Variants in EVL observed in about 807,000 individuals in gnomAD.
EVL encodes the protein Enah/Vasp-like.
Under a neutral mutation model 59.6 loss-of-function variants are expected in EVL, and 21 were observed. That is an observed-to-expected ratio of 0.35 (90% confidence interval 0.25 to 0.51). The LOEUF is 0.51. Ranked by LOEUF, EVL falls within the 20% of genes least tolerant of loss-of-function variation. The pLI is 0.97. For missense variants in EVL, 462 were observed against 546.6 expected (o/e 0.85, Z 1.54); for synonymous variants, 198 against 203.5 (o/e 0.97, Z 0.23).
chr14:100,083,414 G>A (rs2062357194), intron 1 of EVL, among the ~76,000 whole-genome samples: 1 of 151,668 alleles, frequency 6.6e-6, no homozygotes, highest in Non-Finnish European at 1.5e-5. Context: ...CACCCAGGCT[G>A]GAGTGCGGTG....
chr14:99,972,994 A>G lies in EVL; in HGVS notation c.5+937A>G, dbSNP rs574153079. Among the ~76,000 whole-genome samples, 6 of 152,170 alleles carry G rather than the reference A, an allele frequency of 3.9e-5. No homozygotes were observed. Among genetic ancestry groups the G allele is most frequent in the Non-Finnish European group, 7.4e-5 (5 of 68,000 alleles). On this transcript the variant is annotated intron_variant, in intron 1 of 13. Transcript: ENST00000402714. This position sits in a 1 kb window ranked among gnomAD's most constrained non-coding sequence, Gnocchi z 4.4. ...TTGTAATCGTTATTTGTTCATTTTT[A>G]TTGGTCTATAGTATTCTGTTGTAAG...
intron 8 of EVL, chr14:100,135,610 A>C (rs762198171): frequency 5.7e-6 from 2 of 350,060 alleles, no homozygotes; most frequent in Non-Finnish European, 1.1e-5. Flanking sequence ...ATCCGGCCCA[A>C]GGGGGGCTCA....
chr14:100,084,387 T>C (rs1595151569), intron 1 of EVL, among the ~76,000 whole-genome samples: 1 of 152,168 alleles, frequency 6.6e-6, no homozygotes, highest in Non-Finnish European at 1.5e-5. Flanking sequence ...TTGTGAACAG[T>C]TGGCAAATTA....
chr14:100,044,717 T>C (rs183565085), intron 1 of EVL, among the ~76,000 whole-genome samples: 42 of 152,262 alleles, frequency 2.8e-4, no homozygotes, highest in Non-Finnish European at 5.9e-4. Flanking sequence ...ACACATCAGC[T>C]GGAAGTAACC....
At chr14:99,985,144 A>G (rs2060832002) in intron 1 of EVL, among the ~76,000 whole-genome samples, 1 of 151,756 alleles carries the variant, frequency 6.6e-6, no homozygotes, top group East Asian at 1.9e-4. Flanking sequence ...ATATATATAT[A>G]TTGAGTACCT....
intron 1 of EVL, among the ~76,000 whole-genome samples, chr14:99,982,589 GA>G (rs992264302): frequency 2.6e-5 from 4 of 152,152 alleles, no homozygotes; most frequent in Admixed American, 1.3e-4. Context: ...AGAGCGGGGG[GA>G]AAAAATACTG....
At chr14:100,134,204 A>G (rs1888626293) in intron 8 of EVL, among the ~76,000 whole-genome samples, 2 of 152,214 alleles carry the variant, frequency 1.3e-5, no homozygotes, top group Admixed American at 6.5e-5. Context: ...ATTGCAGGCC[A>G]CGGGATAATC....
chr14:100,136,256 G>C (rs775338361), intron 9 of EVL, among the ~76,000 whole-genome samples: 2 of 152,238 alleles, frequency 1.3e-5, no homozygotes, highest in East Asian at 3.9e-4. Flanking sequence ...CTTGCCTGAC[G>C]GCACATATTC....
In EVL at chr14:100,130,873, A is replaced by G. The variant is rs960658632; in HGVS notation, c.839+1189A>G. ...CTGGGCGTTTGTACATCGCCAAGAC[A>G]GGAGGCAGGCTTCTGAGCAGTTTCC... On this transcript the variant is annotated intron_variant, in intron 7 of 13. Coordinates refer to ENST00000392920, the MANE Select transcript of EVL (RefSeq NM_016337.3). This position sits in a 1 kb window ranked among gnomAD's most constrained non-coding sequence, Gnocchi z 4.8. Among the ~76,000 whole-genome samples the G allele has an allele frequency of 4.6e-5, 7 of 152,246 alleles. No individual in the cohort carries two copies. Among genetic ancestry groups the G allele is most frequent in the African/African-American group, 9.6e-5 (4 of 41,460 alleles).
intron 1 of EVL, chr14:100,019,433 A>G: frequency 1.9e-6 from 1 of 531,128 alleles, no homozygotes; most frequent in South Asian, 2.8e-5. Context: ...ACTTGCTGGA[A>G]TGATCACATG....
intron 1 of EVL, among the ~76,000 whole-genome samples, chr14:100,045,982 G>T (rs1283994967): frequency 6.6e-6 from 1 of 152,176 alleles, no homozygotes; most frequent in African/African-American, 2.4e-5. Context: ...GAACAGCTCA[G>T]AGCAGAAATA....
intron 1 of EVL, among the ~76,000 whole-genome samples, chr14:99,976,048 A>G (rs921900915): frequency 6.6e-6 from 1 of 151,458 alleles, no homozygotes; most frequent in South Asian, 2.1e-4. Context: ...TTTTATTTTT[A>G]TTATTTTTCA....
chr14:100,093,407 C>G (rs2062605842), intron 2 of EVL, among the ~76,000 whole-genome samples: 1 of 151,970 alleles, frequency 6.6e-6, no homozygotes, highest in South Asian at 2.1e-4. Context: ...AGTAATAACG[C>G]CAGGGTTTTA....
intron 1 of EVL, among the ~76,000 whole-genome samples, chr14:100,072,613 A>G (rs1482538627): frequency 6.6e-6 from 1 of 152,224 alleles, no homozygotes; most frequent in African/African-American, 2.4e-5. Flanking sequence ...ATATCCTTAT[A>G]TTAAAGAAAT....
chr14:100,103,973 T>C (rs1886398732), intron 3 of EVL, among the ~76,000 whole-genome samples: 1 of 152,154 alleles, frequency 6.6e-6, no homozygotes. Flanking sequence ...TGAGCGTGTG[T>C]GTGTGCATAT....
chr14:100,033,465 A>G (rs1274871114), intron 1 of EVL, among the ~76,000 whole-genome samples: 6 of 152,372 alleles, frequency 3.9e-5, no homozygotes, highest in Non-Finnish European at 8.8e-5. Flanking sequence ...ACACTGCTTA[A>G]GTGGCAAAGC....
intron 5 of EVL, among the ~76,000 whole-genome samples, chr14:100,128,036 C>T (rs914744683): frequency 5.3e-5 from 8 of 152,328 alleles, no homozygotes; most frequent in Middle Eastern, 6.8e-3. Flanking sequence ...CTCGGCATTG[C>T]GCCCTGACCC....
At chr14:100,081,532 GGAA>G (rs770350249) in intron 1 of EVL, among the ~76,000 whole-genome samples, 1 of 134,218 alleles carries the variant, frequency 7.5e-6, no homozygotes, top group Non-Finnish European at 1.6e-5. Context: ...AAAAAAAAAA[GGAA>G]CCTGTAGCTA....
At chr14:100,045,152 C>T (rs939382805) in intron 1 of EVL, among the ~76,000 whole-genome samples, 30 of 152,062 alleles carry the variant, frequency 2.0e-4, no homozygotes, top group African/African-American at 3.4e-4. Context: ...ATAAGGGTGA[C>T]GATACAAATA....
Sources: allele counts gnomAD v4.1 joint callset (sites outside exome capture counted in the v4.1 genomes callset), GRCh38; gene constraint gnomAD v4.1.1; non-coding constraint Gnocchi (gnomAD v3.1); transcripts MANE v1.5; gene names NCBI Gene and HGNC (gene_info 2026-07-23, HGNC 2026-07-21).